The following PIP5K1B variants were observed in gnomAD, a reference collection of about 807,000 sequenced individuals.
PIP5K1B encodes the protein phosphatidylinositol-4-phosphate 5-kinase type 1 beta.
A neutral mutation model predicts 67.0 loss-of-function variants in PIP5K1B; 42 were observed. The observed-to-expected ratio is 0.63, with a 90% CI of 0.49 to 0.81. PIP5K1B has a LOEUF of 0.81. PIP5K1B is among the 30% of genes least tolerant of loss of function. The pLI is 0.00. For missense variants in PIP5K1B, 459 were observed against 646.3 expected, an observed-to-expected ratio of 0.71 and a Z score of 3.14; for synonymous variants, 214 against 231.4, an observed-to-expected ratio of 0.92 and a Z score of 0.68.
chr9:68,735,545 C>T (rs1193936785), intron 1 of PIP5K1B, among the ~76,000 whole-genome samples: 1 of 151,826 alleles, frequency 6.6e-6, no homozygotes, highest in African/African-American at 2.4e-5. Flanking sequence ...TGTGCTACCA[C>T]GCCCAGCTAA....
intron 1 of PIP5K1B, among the ~76,000 whole-genome samples, chr9:68,735,749 A>G (rs565666152): frequency 6.6e-6 from 1 of 152,306 alleles, no homozygotes; most frequent in Non-Finnish European, 1.5e-5. Flanking sequence ...AAAGCAGGAT[A>G]AGGGAGTAGG....
chr9:68,857,351 G>A (rs572445835), intron 4 of PIP5K1B, among the ~76,000 whole-genome samples: 1 of 152,172 alleles, frequency 6.6e-6, no homozygotes, highest in Admixed American at 6.5e-5. Flanking sequence ...TCTCAGAGAG[G>A]AGGAGGTTTG....
chr9:68,875,976 T>C (rs1823873535), intron 5 of PIP5K1B, among the ~76,000 whole-genome samples: 1 of 152,218 alleles, frequency 6.6e-6, no homozygotes, highest in African/African-American at 2.4e-5. Flanking sequence ...TTCAACTGTA[T>C]GGATAATGTT....
rs41310071 is a variant in PIP5K1B, at chr9:68,707,515, T to C, written c.-243+1753T>C. ...TAACCAGGTGCCTGCTCTGTACTTA[T>C]ATAAGGTGGTTTTTTAAATGGCAGA... On this transcript the variant is annotated intron_variant, in intron 1 of 15. Transcript: ENST00000265382. 5 of 152,206 alleles carry C rather than the reference T, an allele frequency of 3.3e-5. No homozygotes were observed. In the East Asian group the frequency reaches 7.7e-4, roughly 23 times the overall value. The allele number at this position is 152,206 out of a possible 1,614,324, so 9.4% of individuals were successfully genotyped here. A position where few individuals can be genotyped will look rare whatever the true frequency, so the allele number is the denominator to read the frequency against.
At chr9:68,962,180 T>C (rs930556895) in intron 14 of PIP5K1B, among the ~76,000 whole-genome samples, 2 of 152,174 alleles carry the variant, frequency 1.3e-5, no homozygotes, top group African/African-American at 4.8e-5. Flanking sequence ...ATCAAGATCA[T>C]TTTTTTAATT....
At chr9:68,963,161 A>G (rs1350100294) in intron 14 of PIP5K1B, 2 of 456,304 alleles carry the variant, frequency 4.4e-6, no homozygotes, top group African/African-American at 2.0e-5. Context: ...TGTGAGGACT[A>G]ATGTGCAAAA....
chr9:68,752,066 G>A (rs1035155081), intron 2 of PIP5K1B, among the ~76,000 whole-genome samples: 1 of 151,982 alleles, frequency 6.6e-6, no homozygotes, highest in African/African-American at 2.4e-5. Flanking sequence ...TTATATTTCA[G>A]TATATCCAAC....
At chr9:68,780,893 C>T (rs1177070919) in intron 2 of PIP5K1B, 1 of 1,613,986 alleles carries the variant, frequency 6.2e-7, no homozygotes, top group Non-Finnish European at 8.5e-7. Context: ...CTTCGGATAC[C>T]CTTGATGGAA....
intron 14 of PIP5K1B, among the ~76,000 whole-genome samples, chr9:68,964,483 C>G (rs901943122): frequency 6.6e-6 from 1 of 152,198 alleles, no homozygotes; most frequent in Non-Finnish European, 1.5e-5. Context: ...GAAGGGTACT[C>G]TCCTGGGTCT....
At chr9:68,918,334 C>T (rs1365353010) in intron 9 of PIP5K1B, among the ~76,000 whole-genome samples, 3 of 152,140 alleles carry the variant, frequency 2.0e-5, no homozygotes, top group African/African-American at 7.2e-5. Flanking sequence ...ATGTGATCCA[C>T]CTGCCTTGGC....
intron 7 of PIP5K1B, among the ~76,000 whole-genome samples, chr9:68,891,473 T>G (rs992551846): frequency 2.7e-5 from 4 of 150,768 alleles, no homozygotes; most frequent in Non-Finnish European, 5.9e-5. Context: ...GATAAATAAA[T>G]CAATGATTAT....
At chr9:68,951,703 G>T (rs10869578) in intron 14 of PIP5K1B, among the ~76,000 whole-genome samples, 30,844 of 151,966 alleles carry the variant, frequency 0.2, 3,570 homozygotes, top group East Asian at 0.5. Flanking sequence ...TATTAAAAAA[G>T]GTATTGATTG....
At chr9:69,006,399 G>T (rs767093908) in intron 15 of PIP5K1B, among the ~76,000 whole-genome samples, 1 of 152,020 alleles carries the variant, frequency 6.6e-6, no homozygotes, top group Non-Finnish European at 1.5e-5. Flanking sequence ...AGTGGAGGGG[G>T]TGCAGCTTTA....
At chr9:68,892,599 A>C (rs1045398358) in intron 7 of PIP5K1B, among the ~76,000 whole-genome samples, 6 of 152,260 alleles carry the variant, frequency 3.9e-5, no homozygotes, top group Admixed American at 2.0e-4. Context: ...ACATACACAC[A>C]AAATTAATTC....
chr9:68,877,926 C>G (rs1823983420), intron 6 of PIP5K1B, among the ~76,000 whole-genome samples: 1 of 152,118 alleles, frequency 6.6e-6, no homozygotes. Context: ...ATATTACTCT[C>G]TTTCTCTCAC....
intron 1 of PIP5K1B, among the ~76,000 whole-genome samples, chr9:68,739,315 C>A (rs753703014): frequency 6.6e-6 from 1 of 152,082 alleles, no homozygotes; most frequent in African/African-American, 2.4e-5. Flanking sequence ...TCTTATGGGA[C>A]GCAACATTTG....
intron 8 of PIP5K1B, among the ~76,000 whole-genome samples, chr9:68,902,336 C>T (rs976617012): frequency 3.3e-5 from 5 of 152,156 alleles, no homozygotes; most frequent in African/African-American, 7.2e-5. Flanking sequence ...TTTATCTTTT[C>T]GAGAATGCTG....
intron 1 of PIP5K1B, among the ~76,000 whole-genome samples, chr9:68,720,376 ACTCAG>A (rs1827829124): frequency 6.6e-6 from 1 of 152,058 alleles, no homozygotes; most frequent in Non-Finnish European, 1.5e-5. Context: ...TCTCTTTGCT[ACTCAG>A]CTGATTTTTT....
At chr9:68,803,775 G>A (rs562708253) in intron 2 of PIP5K1B, among the ~76,000 whole-genome samples, 44 of 152,322 alleles carry the variant, frequency 2.9e-4, no homozygotes, top group African/African-American at 1.0e-3. Context: ...AAAGCACATG[G>A]GGAAAAGGGA....
Sources: gnomAD v4.1 joint callset for allele counts (sites outside exome capture counted in the v4.1 genomes callset) on GRCh38, gnomAD v4.1.1 for gene constraint, MANE v1.5 for transcripts, NCBI Gene and HGNC (gene_info 2026-07-23, HGNC 2026-07-21) for gene names.